Variants in FGF13 observed in about 807,000 individuals in gnomAD.
FGF13 encodes the protein fibroblast growth factor 13, also known as fibroblast growth factor homologous factor 2.
In FGF13, 2 loss-of-function variants were observed where a neutral mutation model predicts 19.5. That is an observed-to-expected ratio of 0.10 (90% CI 0.04 to 0.32). The LOEUF (loss-of-function observed/expected upper bound fraction) is 0.32, where lower values mean the gene tolerates loss of function less well. FGF13 is among the 10% of genes least tolerant of loss of function. The pLI, the probability that FGF13 is intolerant of heterozygous loss-of-function variation, is 1.00. For synonymous variants in FGF13, 72 were observed against 76.9 expected (o/e 0.94, Z 0.33); for missense variants, 113 against 192.7 (o/e 0.59, Z 2.45).
intron 1 of FGF13, among the ~76,000 whole-genome samples, chrX:139,054,068 A>G (rs1342696185): frequency 1.2e-5 from 1 of 81,940 alleles, no homozygotes; most frequent in African/African-American, 4.7e-5. Context: ...GGCTGAAGGT[A>G]TTTGGGTTTA....
At chrX:138,873,494 C>A (rs1450534161) in intron 1 of FGF13, among the ~76,000 whole-genome samples, 1 of 111,724 alleles carries the variant, frequency 9.0e-6, no homozygotes, top group Admixed American at 9.5e-5. Context: ...GGAAAACTAA[C>A]GCAAAGGGGA....
At chrX:139,122,307 A>G (rs1603209442) in intron 1 of FGF13, among the ~76,000 whole-genome samples, 1 of 111,555 alleles carries the variant, frequency 9.0e-6, no homozygotes, top group African/African-American at 3.3e-5. Flanking sequence ...AGGAGTAAAT[A>G]TCATATTTGT....
intron 1 of FGF13, among the ~76,000 whole-genome samples, chrX:138,966,144 G>C (rs2091893908): frequency 8.9e-6 from 1 of 111,939 alleles, no homozygotes; most frequent in Non-Finnish European, 1.9e-5. Context: ...CTAGGGCAGT[G>C]CAGAAGGGAA....
chrX:138,775,743 C>T (rs1004813313), intron 3 of FGF13, among the ~76,000 whole-genome samples: 5 of 112,527 alleles, frequency 4.4e-5, no homozygotes, highest in Non-Finnish European at 9.4e-5. Flanking sequence ...GATAGAAGAT[C>T]CTACGATTTT....
At chrX:138,751,509 G>T (rs1300252040) in intron 3 of FGF13, among the ~76,000 whole-genome samples, 1 of 111,628 alleles carries the variant, frequency 9.0e-6, no homozygotes, top group Admixed American at 9.5e-5. Context: ...GTGTGTCTTG[G>T]TCTTGCTTTT....
At chrX:138,910,328 G>A (rs944945322) in intron 1 of FGF13, among the ~76,000 whole-genome samples, 3 of 110,949 alleles carry the variant, frequency 2.7e-5, no homozygotes, top group African/African-American at 6.6e-5. Context: ...AAAAGACCAA[G>A]TTACAAGAAG....
chrX:139,160,254 G>C (rs189724986), intron 1 of FGF13, among the ~76,000 whole-genome samples: 1 of 112,001 alleles, frequency 8.9e-6, no homozygotes, highest in Admixed American at 9.5e-5. Context: ...GGTAAATAAC[G>C]AAATGAAGGC....
chrX:139,198,785 C>T (rs889999911), intron 1 of FGF13, among the ~76,000 whole-genome samples: 2 of 111,098 alleles, frequency 1.8e-5, no homozygotes, highest in Non-Finnish European at 3.8e-5. Context: ...AAAAAATGGC[C>T]ATCCAATTCA....
chrX:138,755,717 A>G (rs1439955091), intron 3 of FGF13, among the ~76,000 whole-genome samples: 1 of 112,376 alleles, frequency 8.9e-6, no homozygotes, highest in Non-Finnish European at 1.9e-5. Context: ...GTTTGACAAG[A>G]ACTCCAAGCT....
At chrX:138,910,141 T>A (rs2091579503) in intron 1 of FGF13, among the ~76,000 whole-genome samples, 1 of 110,508 alleles carries the variant, frequency 9.0e-6, no homozygotes, top group Admixed American at 9.7e-5. Flanking sequence ...CTTCCTGCAT[T>A]TGGCTAAAGG....
chrX:139,113,405 C>T (rs185953593), intron 1 of FGF13, among the ~76,000 whole-genome samples: 2 of 111,920 alleles, frequency 1.8e-5, no homozygotes, highest in East Asian at 5.7e-4. Context: ...AAGCCTATGA[C>T]CTCTTGGCTA....
chrX:138,996,410 G>A (rs1188286955), intron 1 of FGF13, among the ~76,000 whole-genome samples: 1 of 113,051 alleles, frequency 8.8e-6, no homozygotes, highest in Non-Finnish European at 1.9e-5. Context: ...CCACTCCCAC[G>A]GAGCCCAGCA....
chrX:138,778,465 T>C (rs1337969712), intron 3 of FGF13, among the ~76,000 whole-genome samples: 1 of 111,896 alleles, frequency 8.9e-6, no homozygotes, highest in Non-Finnish European at 1.9e-5. Context: ...CAGCACACCG[T>C]GCGCGAGCCG....
chrX:138,776,137 A>G (rs1307956873), intron 3 of FGF13, among the ~76,000 whole-genome samples: 3 of 112,240 alleles, frequency 2.7e-5, no homozygotes, highest in African/African-American at 9.7e-5. Context: ...CCCCATCCCT[A>G]CTATTTCTAC....
chrX:138,627,958 C>T lies in FGF13; in HGVS notation c.*4892G>A. The T allele has an allele frequency of 9.0e-6, 1 of 111,355 alleles. No individual in the cohort carries two copies. Among genetic ancestry groups the T allele is most frequent in the Non-Finnish European group, 1.9e-5 (1 of 53,114 alleles). 9.2% of individuals were successfully genotyped at this position (111,355 alleles called of 1,213,427 possible). Reference sequence around the variant, plus strand: ...CTCATGTGATATTAGCAAAAGGGTTCATTAATTTGTCATAGATTATTGTTC... The same window carrying T: ...CTCATGTGATATTAGCAAAAGGGTTTATTAATTTGTCATAGATTATTGTTC... On this transcript the variant is annotated 3_prime_UTR_variant, in exon 5 of 5. Coordinates refer to ENST00000315930, the MANE Select transcript of FGF13 (RefSeq NM_004114.5).
rs2091973508 is a variant in FGF13 at position 138,983,583 on chromosome X, C to T, written c.-112-118933G>A. ...AACCTATATACACTGTTGGTAGGAA[C>T]GTAAAATGGGGCAGCTGCTATGGAA... On this transcript the variant is annotated intron_variant, in intron 1 of 2. Transcript: ENST00000421460. Among the ~76,000 whole-genome samples, 3 of 108,451 alleles carry T rather than the reference C, an allele frequency of 2.8e-5. No individual in the cohort carries two copies. The South Asian group carries it at 1.2e-3, about 44-fold the overall frequency. 94.2% of individuals were successfully genotyped at this position (108,451 alleles called of 115,157 possible). A position where few individuals can be genotyped will look rare whatever the true frequency, so the allele number is the denominator to read the frequency against.
rs781505144 is a variant in FGF13 at position 139,050,968 on chromosome X, G to A, written c.-113+152448C>T. On this transcript the variant is annotated intron_variant, in intron 1 of 2. Transcript: ENST00000421460. ...AACTTCAAATTCTTCAGTCTGATTC[G>A]ATAAACTTTCAACTGCCTGGCATAA... Among the ~76,000 whole-genome samples the A allele has an allele frequency of 1.9e-4, 21 of 111,798 alleles. No homozygotes were observed. In the South Asian group the frequency reaches 4.5e-3, roughly 24 times the overall value.
chrX:138,772,392 A>G (rs1234374876), intron 3 of FGF13, among the ~76,000 whole-genome samples: 4 of 109,169 alleles, frequency 3.7e-5, no homozygotes, highest in African/African-American at 1.3e-4. Context: ...ATGTCCCCTT[A>G]GAAAAGGGGA....
intron 1 of FGF13, among the ~76,000 whole-genome samples, chrX:139,014,819 C>A (rs2092146179): frequency 9.0e-6 from 1 of 111,176 alleles, no homozygotes; most frequent in Non-Finnish European, 1.9e-5. Context: ...AAATCCTCAA[C>A]AAAATATTAG....
Sources: gnomAD v4.1 joint callset for allele counts (sites outside exome capture counted in the v4.1 genomes callset) on GRCh38, gnomAD v4.1.1 for gene constraint, MANE v1.5 for transcripts, NCBI Gene and HGNC (gene_info 2026-07-23, HGNC 2026-07-21) for gene names.